The following PLCG2 variants were observed in gnomAD, a reference collection of about 807,000 sequenced individuals.
PLCG2 encodes 1-phosphatidylinositol 4,5-bisphosphate phosphodiesterase gamma-2.
A neutral mutation model predicts 175.6 loss-of-function variants in PLCG2; 69 were observed. The observed-to-expected ratio is 0.39, with a 90% CI of 0.32 to 0.48. The LOEUF (loss-of-function observed/expected upper bound fraction) is 0.48. PLCG2 is among the 20% of genes least tolerant of loss of function. PLCG2 has a pLI of 0.91. For missense variants in PLCG2, 1,798 were observed against 1,650.9 expected (o/e 1.09, Z -1.54); for synonymous variants, 827 against 624.0 (o/e 1.33, Z -4.85).
At chr16:81,875,056 C>T (rs189051506) in intron 7 of PLCG2, among the ~76,000 whole-genome samples, 87 of 150,180 alleles carry the variant, frequency 5.8e-4, no homozygotes, top group African/African-American at 1.7e-3. Context: ...CTCTTCCTTC[C>T]GGGTTCAAGC....
chr16:81,894,541 T>C (rs1908789254), intron 12 of PLCG2, among the ~76,000 whole-genome samples: 2 of 152,108 alleles, frequency 1.3e-5, no homozygotes, highest in Non-Finnish European at 2.9e-5. Context: ...TTCCGGCCTC[T>C]CTCTCACCAA....
intron 2 of PLCG2, among the ~76,000 whole-genome samples, chr16:81,845,330 C>G (rs1054086424): frequency 6.6e-6 from 1 of 152,066 alleles, no homozygotes; most frequent in African/African-American, 2.4e-5. Context: ...TTTTTTTCCC[C>G]TACATTTTTG....
At chr16:81,833,422 G>A (rs1905351497) in intron 2 of PLCG2, among the ~76,000 whole-genome samples, 2 of 151,918 alleles carry the variant, frequency 1.3e-5, no homozygotes, top group East Asian at 1.9e-4. Context: ...GCCGTTCCCT[G>A]TGGGTGAGGA....
chr16:81,916,842 T>G (rs1909863973), intron 19 of PLCG2, among the ~76,000 whole-genome samples: 1 of 152,178 alleles, frequency 6.6e-6, no homozygotes. Flanking sequence ...TTCACCATGT[T>G]GGCCAGGCTG....
At chr16:81,765,394 G>A (rs1026228699) in intron 2 of PLCG2, among the ~76,000 whole-genome samples, 1 of 152,264 alleles carries the variant, frequency 6.6e-6, no homozygotes, top group African/African-American at 2.4e-5. Context: ...ACTTTGGGAG[G>A]CCCAGGAGGG....
chr16:81,936,155 TTC>T lies in PLCG2; in HGVS notation c.2843-10_2843-9del. 1.2e-6 allele frequency: 2 copies of T among 1,613,548 alleles called. No homozygotes were observed. The highest frequency in any genetic ancestry group is 1.7e-5 in the Admixed American group (1 of 60,012). ...AGACACAGAAGTACTGATGACCTTT[TTC>T]TCTGTGTGCAGAAAATCCTGACTTC... On this transcript the variant is annotated splice_polypyrimidine_tract_variant and intron_variant, in intron 26 of 32. Transcript: ENST00000564138.
chr16:81,879,351 AT>A (rs1907968496), intron 7 of PLCG2, among the ~76,000 whole-genome samples: 1 of 152,186 alleles, frequency 6.6e-6, no homozygotes, highest in Non-Finnish European at 1.5e-5. Flanking sequence ...TTAAAAAGAA[AT>A]ACCTATGCTG....
intron 1 of PLCG2, among the ~76,000 whole-genome samples, chr16:81,785,343 T>C (rs4243210): frequency 0.79 from 119,432 of 152,048 alleles, 47,040 homozygotes; most frequent in South Asian, 0.88. Flanking sequence ...TACCCAGAGC[T>C]ACACAGTCAG....
chr16:81,818,017 C>T (rs1904627962), intron 2 of PLCG2, among the ~76,000 whole-genome samples: 1 of 152,178 alleles, frequency 6.6e-6, no homozygotes, highest in South Asian at 2.1e-4. Context: ...TTGTCATCTA[C>T]TCTCTGTTCC....
intron 1 of PLCG2, among the ~76,000 whole-genome samples, chr16:81,785,351 C>T (rs1461090313): frequency 6.6e-6 from 1 of 152,162 alleles, no homozygotes; most frequent in East Asian, 1.9e-4. Context: ...GCTACACAGT[C>T]AGCAGGAACC....
intron 2 of PLCG2, among the ~76,000 whole-genome samples, chr16:81,798,234 G>A (rs1911560009): frequency 6.6e-6 from 1 of 152,190 alleles, no homozygotes; most frequent in South Asian, 2.1e-4. Context: ...AGTCCAGTAT[G>A]TACTTAACAC....
intron 18 of PLCG2, 100 bp from the exon 19 acceptor site, chr16:81,912,497 T>G: frequency 7.0e-7 from 1 of 1,421,720 alleles, no homozygotes; most frequent in Non-Finnish European, 9.5e-7. Context: ...CAGGGCCAGG[T>G]TCCAGGTGTC....
chr16:81,908,029 G>A (rs1449717032), intron 16 of PLCG2, among the ~76,000 whole-genome samples: 1 of 152,182 alleles, frequency 6.6e-6, no homozygotes, highest in Non-Finnish European at 1.5e-5. Flanking sequence ...CTTAGATGGA[G>A]GCCGGTGCTC....
intron 15 of PLCG2, 30 bp from the exon 16 acceptor site, chr16:81,907,655 G>A: frequency 2.0e-6 from 3 of 1,538,418 alleles, no homozygotes; most frequent in Non-Finnish European, 2.7e-6. Flanking sequence ...AGAGGACTTG[G>A]GGGGCACTAA....
At chr16:81,853,844 C>G (rs1480441172) in intron 2 of PLCG2, among the ~76,000 whole-genome samples, 3 of 152,146 alleles carry the variant, frequency 2.0e-5, no homozygotes, top group Non-Finnish European at 2.9e-5. Flanking sequence ...TCATAGTTTA[C>G]CACTCTCTTC....
intron 32 of PLCG2, 40 bp from the exon 33 acceptor site, chr16:81,957,916 T>C (rs369507922): frequency 1.9e-6 from 3 of 1,592,822 alleles, no homozygotes; most frequent in South Asian, 2.2e-5. Flanking sequence ...AGCCCATTTC[T>C]CATGGCCCAC....
At chr16:81,876,762 G>T (rs1055486528) in intron 7 of PLCG2, among the ~76,000 whole-genome samples, 1 of 152,212 alleles carries the variant, frequency 6.6e-6, no homozygotes, top group African/African-American at 2.4e-5. Flanking sequence ...ATAAGGCCCA[G>T]TGCCACCCCT....
chr16:81,784,691 C>G (rs986661920), intron 1 of PLCG2, among the ~76,000 whole-genome samples: 1 of 152,088 alleles, frequency 6.6e-6, no homozygotes, highest in Non-Finnish European at 1.5e-5. Flanking sequence ...GTTTTAAGGG[C>G]CTGAGATACA....
At chr16:81,824,031 T>TCCTG (rs1904930192) in intron 2 of PLCG2, among the ~76,000 whole-genome samples, 3 of 55,330 alleles carry the variant, frequency 5.4e-5, no homozygotes, top group African/African-American at 2.0e-4. Context: ...TTCCTTTCCT[T>TCCTG]TCCTTTCCTT....
Sources: allele counts gnomAD v4.1 joint callset (sites outside exome capture counted in the v4.1 genomes callset), GRCh38; gene constraint gnomAD v4.1.1; transcripts MANE v1.5; gene names NCBI Gene and HGNC (gene_info 2026-07-23, HGNC 2026-07-21).